The following SPOCK1 variants were observed in gnomAD, a reference collection of about 807,000 sequenced individuals.
The protein encoded by SPOCK1 is SPARC (osteonectin), cwcv and kazal like domains proteoglycan 1, also known as testican-1.
In SPOCK1, 23 loss-of-function variants were observed where a neutral mutation model predicts 55.3. The ratio of observed to expected loss-of-function variants is 0.42; its 90% CI spans 0.30 to 0.59. The LOEUF (loss-of-function observed/expected upper bound fraction) is 0.59. SPOCK1 is among the 20% of genes least tolerant of loss of function. The probability of loss-of-function intolerance (pLI) is 0.22; values close to 1 mark genes in which losing one functional copy is unlikely to be tolerated. For missense variants in SPOCK1, 499 were observed against 552.5 expected (o/e 0.90, Z 0.97); for synonymous variants, 226 against 221.0 (o/e 1.02, Z -0.20).
At chr5:137,339,756 G>A (rs1297316189) in intron 2 of SPOCK1, among the ~76,000 whole-genome samples, 2 of 152,160 alleles carry the variant, frequency 1.3e-5, no homozygotes, top group African/African-American at 4.8e-5. Flanking sequence ...CCCAGATAAT[G>A]CTTGGTGAAC....
intron 2 of SPOCK1, among the ~76,000 whole-genome samples, chr5:137,493,550 A>C (rs1754233661): frequency 6.6e-6 from 1 of 152,240 alleles, no homozygotes; most frequent in Non-Finnish European, 1.5e-5. Flanking sequence ...AGGACAGAGA[A>C]GACAAGAAGG....
chr5:137,263,271 G>A (rs1043213036), intron 3 of SPOCK1, among the ~76,000 whole-genome samples: 2 of 152,182 alleles, frequency 1.3e-5, no homozygotes, highest in African/African-American at 4.8e-5. Flanking sequence ...AGTTGATAAT[G>A]AGCATGTGAA....
chr5:137,018,064 G>A (rs1007515657), intron 6 of SPOCK1, among the ~76,000 whole-genome samples: 12 of 152,338 alleles, frequency 7.9e-5, no homozygotes, highest in Non-Finnish European at 1.3e-4. Flanking sequence ...TTTTGCCCCC[G>A]AGGGGACATT....
At chr5:137,237,490 G>A (rs536365781) in intron 3 of SPOCK1, among the ~76,000 whole-genome samples, 5 of 152,322 alleles carry the variant, frequency 3.3e-5, no homozygotes, top group Non-Finnish European at 7.3e-5. Context: ...CTGAGGCTCT[G>A]AGTAAATGAT....
Position 137,191,987 on chromosome 5 carries a change from C to A in SPOCK1, c.233-51293G>T, listed in dbSNP as rs572121001. ...CAGTGGCTCACACCTGTAATCCTAA[C>A]ACTTTGGGAGGCTGAGGTACGTGGA... is the stretch of plus-strand genomic sequence containing the variant. On this transcript the variant is annotated intron_variant, in intron 3 of 10. Transcript: ENST00000394945. Among the ~76,000 whole-genome samples, 3 of 152,162 alleles carry A rather than the reference C, an allele frequency of 2.0e-5. No individual in the cohort carries two copies. In the East Asian group the frequency reaches 5.8e-4, roughly 29 times the overall value.
chr5:137,151,211 T>C (rs7713706), intron 3 of SPOCK1, among the ~76,000 whole-genome samples: 4,787 of 152,244 alleles, frequency 0.031, 249 homozygotes, highest in African/African-American at 0.11. Context: ...CAGGCTGGTC[T>C]CAAACTCCTG....
chr5:137,020,909 G>A (rs1243515058), intron 6 of SPOCK1, among the ~76,000 whole-genome samples: 1 of 152,056 alleles, frequency 6.6e-6, no homozygotes, highest in African/African-American at 2.4e-5. Flanking sequence ...AAGAAGTGTT[G>A]GTGAGGATGT....
intron 8 of SPOCK1, among the ~76,000 whole-genome samples, chr5:136,986,325 A>G (rs979473509): frequency 6.6e-6 from 1 of 152,104 alleles, no homozygotes; most frequent in African/African-American, 2.4e-5. Flanking sequence ...CCTCCAGGCA[A>G]GCATTAACAC....
intron 6 of SPOCK1, among the ~76,000 whole-genome samples, chr5:137,018,305 G>A (rs1270121876): frequency 6.6e-6 from 1 of 152,216 alleles, no homozygotes; most frequent in African/African-American, 2.4e-5. Context: ...CCAGTCAGGT[G>A]ACCTGGAGGA....
At chr5:137,416,930 A>G (rs114700509) in intron 2 of SPOCK1, among the ~76,000 whole-genome samples, 1,798 of 152,224 alleles carry the variant, frequency 0.012, 17 homozygotes, top group East Asian at 0.036. Flanking sequence ...AATATTTTGA[A>G]TATTTGATTA....
chr5:137,321,585 GA>G (rs1003403551), intron 2 of SPOCK1, among the ~76,000 whole-genome samples: 2 of 151,470 alleles, frequency 1.3e-5, no homozygotes, highest in South Asian at 2.1e-4. Context: ...GATTAAAAAA[GA>G]AAAAAAAGGG....
chr5:137,395,698 A>G (rs114093925), intron 2 of SPOCK1, among the ~76,000 whole-genome samples: 2,287 of 152,312 alleles, frequency 0.015, 24 homozygotes, highest in Non-Finnish European at 0.023. Context: ...AGCAGAAATA[A>G]TGTTCCTGCA....
At chr5:137,447,309 A>G (rs1753149880) in intron 2 of SPOCK1, among the ~76,000 whole-genome samples, 1 of 152,202 alleles carries the variant, frequency 6.6e-6, no homozygotes, top group Non-Finnish European at 1.5e-5. Flanking sequence ...TGTCCACACT[A>G]AAGGACTGTC....
chr5:137,044,218 A>G (rs1282231487), intron 6 of SPOCK1, among the ~76,000 whole-genome samples: 1 of 152,194 alleles, frequency 6.6e-6, no homozygotes, highest in Non-Finnish European at 1.5e-5. Flanking sequence ...ACGCATCAGG[A>G]GTTCACCAGA....
At chr5:137,117,177 C>T (rs1004073281) in intron 4 of SPOCK1, among the ~76,000 whole-genome samples, 19 of 152,242 alleles carry the variant, frequency 1.2e-4, no homozygotes, top group Non-Finnish European at 2.6e-4. Flanking sequence ...GCCATGCAGT[C>T]CTATTAAGTT....
At chr5:137,308,894 G>A (rs982419309) in intron 2 of SPOCK1, among the ~76,000 whole-genome samples, 1 of 152,100 alleles carries the variant, frequency 6.6e-6, no homozygotes, top group Non-Finnish European at 1.5e-5. Flanking sequence ...AGAAGACAGT[G>A]AAACAGTGTT....
chr5:137,413,425 T>C (rs1338000183), intron 2 of SPOCK1, among the ~76,000 whole-genome samples: 1 of 152,226 alleles, frequency 6.6e-6, no homozygotes, highest in East Asian at 1.9e-4. Flanking sequence ...GGCTTTGGTA[T>C]TAAACTGTTT....
intron 3 of SPOCK1, among the ~76,000 whole-genome samples, chr5:137,245,940 T>C (rs577848706): frequency 3.9e-5 from 6 of 152,334 alleles, no homozygotes; most frequent in African/African-American, 1.4e-4. Context: ...AAACTAATGT[T>C]GTCCCAGCTT....
At chr5:137,062,930 G>A (rs564887468) in intron 6 of SPOCK1, among the ~76,000 whole-genome samples, 1 of 152,316 alleles carries the variant, frequency 6.6e-6, no homozygotes, top group African/African-American at 2.4e-5. Context: ...AGGTAATTTA[G>A]AGATGTAGTA....
Sources: gnomAD v4.1 joint callset for allele counts (sites outside exome capture counted in the v4.1 genomes callset) on GRCh38, gnomAD v4.1.1 for gene constraint, MANE v1.5 for transcripts, NCBI Gene and HGNC (gene_info 2026-07-23, HGNC 2026-07-21) for gene names.